Variants in PTPRD observed in about 807,000 individuals in gnomAD.
PTPRD encodes receptor-type tyrosine-protein phosphatase delta.
In PTPRD, 34 loss-of-function variants were observed where a neutral mutation model predicts 214.5. The ratio of observed to expected loss-of-function variants is 0.16; its 90% CI spans 0.12 to 0.21. The LOEUF is 0.21. PTPRD is among the 10% of genes least tolerant of loss of function. The pLI, the probability that PTPRD is intolerant of heterozygous loss-of-function variation, is 1.00. For synonymous variants in PTPRD, 1,128 were observed against 845.7 expected (o/e 1.33, Z -5.79); for missense variants, 2,545 against 2,398.7 (o/e 1.06, Z -1.27).
chr9:9,090,961 C>T lies in PTPRD; in HGVS notation c.-142-72226G>A, dbSNP rs564478107. 4.9e-5 allele frequency: 77 copies of T among 1,572,188 alleles called. No individual in the cohort carries two copies. The East Asian group carries it at 7.6e-4, about 16-fold the overall frequency. On this transcript the variant is annotated intron_variant, in intron 10 of 45. Coordinates refer to ENST00000381196, the MANE Select transcript of PTPRD (RefSeq NM_002839.4). ...GGGCTGCGGCCACGTGCAGCCTATT[C>T]GCTGCACTAACTGTGCCCGATGCAT... is the stretch of plus-strand genomic sequence containing the variant.
At chr9:9,677,661 G>C (rs923711289) in intron 7 of PTPRD, among the ~76,000 whole-genome samples, 15 of 152,104 alleles carry the variant, frequency 9.9e-5, no homozygotes, top group Admixed American at 2.0e-4. Flanking sequence ...ACTGGCACAA[G>C]ACAGGGATGC....
chr9:10,160,103 C>T (rs571522033), intron 3 of PTPRD, among the ~76,000 whole-genome samples: 42 of 151,984 alleles, frequency 2.8e-4, no homozygotes, highest in African/African-American at 9.6e-4. Context: ...ACCCACTTCA[C>T]CAATAAAGGC....
rs577361538 is a variant in PTPRD at position 8,689,161 on chromosome 9, T to G, written c.64+44619A>C. On this transcript the variant is annotated intron_variant, in intron 12 of 45. Transcript: ENST00000381196. ...CATCCTTACAAAAAAACTTTCTTGT[T>G]AAAATACAGCAATATGATTCCACCT... Among the ~76,000 whole-genome samples the G allele has an allele frequency of 2.3e-4, 35 of 152,316 alleles. No homozygotes were observed. In the South Asian group the frequency reaches 6.8e-3, roughly 30 times the overall value.
intron 3 of PTPRD, among the ~76,000 whole-genome samples, chr9:10,249,947 A>G (rs1045606737): frequency 1.3e-5 from 2 of 152,222 alleles, no homozygotes; most frequent in Non-Finnish European, 2.9e-5. Flanking sequence ...AGACACATGC[A>G]TACATCTGCC....
In PTPRD at chr9:9,708,103, G is replaced by A. The variant is rs999134053; in HGVS notation, c.-287+26430C>T. 6.6e-5 allele frequency among the ~76,000 whole-genome samples: 10 copies of A among 152,136 alleles called. No homozygotes were observed. The South Asian group carries it at 8.3e-4, about 13-fold the overall frequency. On this transcript the variant is annotated intron_variant, in intron 7 of 45. Transcript: ENST00000381196. ...CTCCGTAAGAACTGGCACCAATAAT[G>A]GTACAGATTACTACGTTGATTTAGT... is the stretch of plus-strand genomic sequence containing the variant.
At chr9:10,180,671 AT>A (rs201216113) in intron 3 of PTPRD, among the ~76,000 whole-genome samples, 1,669 of 151,720 alleles carry the variant, frequency 0.011, 16 homozygotes, top group South Asian at 0.02. Flanking sequence ...TACTAAAAAA[AT>A]AGATTAGCTT....
intron 3 of PTPRD, among the ~76,000 whole-genome samples, chr9:10,307,177 G>C (rs893011975): frequency 6.8e-6 from 1 of 148,116 alleles, no homozygotes; most frequent in Admixed American, 6.8e-5. Context: ...TCCTTCTATC[G>C]AAATGTATGT....
intron 7 of PTPRD, among the ~76,000 whole-genome samples, chr9:9,720,189 TA>T (rs2097911701): frequency 6.6e-6 from 1 of 152,122 alleles, no homozygotes; most frequent in East Asian, 1.9e-4. Flanking sequence ...TTACTAGGTA[TA>T]AAAAAGGGGT....
chr9:8,888,906 T>A (rs926402207), intron 11 of PTPRD, among the ~76,000 whole-genome samples: 6 of 152,234 alleles, frequency 3.9e-5, no homozygotes, highest in African/African-American at 1.4e-4. Context: ...GTAACAACCC[T>A]GAGCTTTATT....
At chr9:8,470,670 G>A (rs2134891958) in intron 31 of PTPRD, among the ~76,000 whole-genome samples, 1 of 152,240 alleles carries the variant, frequency 6.6e-6, no homozygotes, top group African/African-American at 2.4e-5. Context: ...TTATACCAAT[G>A]GTGATTAAGT....
intron 11 of PTPRD, among the ~76,000 whole-genome samples, chr9:8,736,892 A>AG (rs769348188): frequency 7.2e-5 from 11 of 152,186 alleles, no homozygotes; most frequent in Non-Finnish European, 1.6e-4. Context: ...AAAGTGCTAA[A>AG]GGAATCAGCT....
intron 11 of PTPRD, among the ~76,000 whole-genome samples, chr9:8,879,379 A>G (rs2098422764): frequency 6.6e-6 from 1 of 152,024 alleles, no homozygotes; most frequent in Non-Finnish European, 1.5e-5. Flanking sequence ...CTCTGCATTC[A>G]TTTTTTCATT....
chr9:8,450,255 A>G, intron 33 of PTPRD, among the ~76,000 whole-genome samples: 1 of 152,178 alleles, frequency 6.6e-6, no homozygotes, highest in Non-Finnish European at 1.5e-5. Flanking sequence ...CCTTAAGCTG[A>G]ACAGCTAAAT....
At chr9:9,441,867 G>A (rs535218167) in intron 8 of PTPRD, among the ~76,000 whole-genome samples, 2 of 152,336 alleles carry the variant, frequency 1.3e-5, no homozygotes, top group African/African-American at 4.8e-5. Flanking sequence ...AATTGCTTCT[G>A]CTGAAACATC....
chr9:10,406,018 C>T (rs2098350694), intron 2 of PTPRD, among the ~76,000 whole-genome samples: 1 of 150,972 alleles, frequency 6.6e-6, no homozygotes, highest in Non-Finnish European at 1.5e-5. Context: ...GTAAACTATC[C>T]ATTATAAGAT....
chr9:9,696,992 T>C (rs1220465319), intron 7 of PTPRD, among the ~76,000 whole-genome samples: 1 of 152,042 alleles, frequency 6.6e-6, no homozygotes, highest in African/African-American at 2.4e-5. Flanking sequence ...TACAAAAACA[T>C]ATAAAAATTT....
intron 3 of PTPRD, among the ~76,000 whole-genome samples, chr9:10,176,111 A>G (rs544890625): frequency 1.2e-4 from 18 of 152,104 alleles, no homozygotes; most frequent in Non-Finnish European, 2.1e-4. Flanking sequence ...TTCTTTGAGG[A>G]GCATAAATTG....
At chr9:10,232,069 G>C (rs1438376603) in intron 3 of PTPRD, among the ~76,000 whole-genome samples, 1 of 148,300 alleles carries the variant, frequency 6.7e-6, no homozygotes, top group African/African-American at 2.5e-5. Context: ...TCCTCCTCCT[G>C]TCTGGTCCCT....
intron 3 of PTPRD, among the ~76,000 whole-genome samples, chr9:10,200,288 A>T (rs966583516): frequency 6.6e-6 from 1 of 152,140 alleles, no homozygotes. Flanking sequence ...CTGGTATAAC[A>T]TATAGATCAG....
Sources: allele counts gnomAD v4.1 joint callset (sites outside exome capture counted in the v4.1 genomes callset), GRCh38; gene constraint gnomAD v4.1.1; transcripts MANE v1.5; gene names NCBI Gene and HGNC (gene_info 2026-07-23, HGNC 2026-07-21).